Variants in CTNNA3 observed in about 807,000 individuals in gnomAD.
CTNNA3 encodes the protein catenin alpha 3.
Under a neutral mutation model 95.7 loss-of-function variants are expected in CTNNA3, and 76 were observed. That is an observed-to-expected ratio of 0.79 (90% CI 0.66 to 0.96). The LOEUF (loss-of-function observed/expected upper bound fraction) is 0.96, where lower values mean the gene tolerates loss of function less well. Among genes scored for constraint, CTNNA3 ranks in the 40% least tolerant of loss-of-function variants. CTNNA3 has a pLI of 0.00. For synonymous variants in CTNNA3, 431 were observed against 374.4 expected (o/e 1.15, Z -1.74); for missense variants, 1,191 against 1,089.8 (o/e 1.09, Z -1.31).
intron 9 of CTNNA3, among the ~76,000 whole-genome samples, chr10:66,689,579 TG>T (rs1417177878): frequency 2.6e-5 from 4 of 152,226 alleles, no homozygotes; most frequent in Non-Finnish European, 1.5e-5. Flanking sequence ...TAAAATATTA[TG>T]GTCAGTTTTC....
At chr10:66,414,628 C>G (rs1306559003) in intron 11 of CTNNA3, among the ~76,000 whole-genome samples, 1 of 152,150 alleles carries the variant, frequency 6.6e-6, no homozygotes, top group African/African-American at 2.4e-5. Flanking sequence ...TAAGCAACTA[C>G]AGCAAGATGC....
At position 66,583,299 on chromosome 10, in the gene CTNNA3, TTTGTTGTTGTTG is replaced by T. The variant is rs139169263; in HGVS notation, c.1374+38381_1374+38392del. ...TTTGTTTGTTTGCAGTGTTTTGGTTTTTGTTGTTGTTGTTGTTGTTGTTGTTGTTGTTTTTCT... is the reference window on the plus strand; with the variant it reads ...TTTGTTTGTTTGCAGTGTTTTGGTTTTTGTTGTTGTTGTTGTTGTTTTTCT... On this transcript the variant is annotated intron_variant, in intron 10 of 17. Transcript: ENST00000433211. Among the ~76,000 whole-genome samples the T allele has an allele frequency of 1.2e-3, 180 of 150,450 alleles. 1 individual carries two copies. Among genetic ancestry groups the T allele is most frequent in the African/African-American group, 4.0e-3 (163 of 41,048 alleles).
intron 5 of CTNNA3, among the ~76,000 whole-genome samples, chr10:67,353,265 T>A (rs2054800672): frequency 1.3e-5 from 2 of 151,968 alleles, no homozygotes; most frequent in African/African-American, 4.8e-5. Flanking sequence ...GGGGCACCAC[T>A]CTGAGACTCT....
chr10:67,324,641 GTA>G (rs1841466326), intron 5 of CTNNA3, among the ~76,000 whole-genome samples: 1 of 151,464 alleles, frequency 6.6e-6, no homozygotes, highest in Non-Finnish European at 1.5e-5. Flanking sequence ...CAGTTTACCA[GTA>G]TTTTGTTGAG....
In CTNNA3 at chr10:67,644,346, C is replaced by G. The variant is rs568512234; in HGVS notation, c.99+3069G>C. Among the ~76,000 whole-genome samples the G allele has an allele frequency of 4.6e-5, 7 of 152,192 alleles. No homozygotes were observed. In the South Asian group the frequency reaches 1.5e-3, roughly 32 times the overall value. On this transcript the variant is annotated intron_variant, in intron 2 of 17. Coordinates refer to ENST00000433211, the MANE Select transcript of CTNNA3 (RefSeq NM_013266.4). ...ATAAATGTCTTCTTTTGAGAAGTGT[C>G]TGTTCCTATCCTTCGTCCGCTTTTT...
At chr10:67,176,778 G>T in intron 7 of CTNNA3, 2 of 376,512 alleles carry the variant, frequency 5.3e-6, no homozygotes, top group African/African-American at 2.1e-5. Context: ...AGAGATGTGA[G>T]GTTGGAAGCA....
chr10:67,538,884 TTC>T (rs1449791781), intron 4 of CTNNA3, among the ~76,000 whole-genome samples: 1 of 152,182 alleles, frequency 6.6e-6, no homozygotes, highest in Non-Finnish European at 1.5e-5. Flanking sequence ...TTTAATAAAA[TTC>T]TCTCTCTACT....
intron 5 of CTNNA3, among the ~76,000 whole-genome samples, chr10:67,267,018 C>CT (rs1866856335): frequency 1.3e-5 from 2 of 152,042 alleles, no homozygotes; most frequent in South Asian, 4.1e-4. Flanking sequence ...TCTGGGCATG[C>CT]TTTTTTACTT....
At chr10:67,309,667 G>A (rs761790285) in intron 5 of CTNNA3, among the ~76,000 whole-genome samples, 2 of 152,142 alleles carry the variant, frequency 1.3e-5, no homozygotes, top group African/African-American at 4.8e-5. Context: ...AACAGGAACT[G>A]TGATGAAAAC....
At chr10:66,018,749 G>C (rs1564581691) in intron 15 of CTNNA3, among the ~76,000 whole-genome samples, 1 of 151,964 alleles carries the variant, frequency 6.6e-6, no homozygotes, top group Non-Finnish European at 1.5e-5. Context: ...AGAGGGTGGA[G>C]CAAGAAAAAC....
chr10:66,340,394 T>G (rs1194212275), intron 12 of CTNNA3, among the ~76,000 whole-genome samples: 2 of 151,828 alleles, frequency 1.3e-5, no homozygotes, highest in African/African-American at 4.8e-5. Context: ...TGGTTATACC[T>G]AAAAACCTAA....
chr10:67,000,131 G>A (rs761319553), intron 7 of CTNNA3, among the ~76,000 whole-genome samples: 2 of 152,136 alleles, frequency 1.3e-5, no homozygotes, highest in African/African-American at 2.4e-5. Context: ...TAAAAATATA[G>A]GGCCTTCCAG....
chr10:67,539,759 C>A (rs1840613029), intron 3 of CTNNA3, 90 bp from the exon 4 acceptor site: 1 of 1,118,414 alleles, frequency 8.9e-7, no homozygotes, highest in African/African-American at 1.6e-5. Flanking sequence ...CAAGTAAATT[C>A]CAAGACTAAG....
At chr10:65,930,013 G>C (rs1173405711) in intron 17 of CTNNA3, among the ~76,000 whole-genome samples, 1 of 151,938 alleles carries the variant, frequency 6.6e-6, no homozygotes, top group Non-Finnish European at 1.5e-5. Context: ...GACAATTAGA[G>C]GTGAAGGGGC....
In CTNNA3 at chr10:66,341,811, G is replaced by C. The variant is rs76274416; in HGVS notation, c.1732+37341C>G. Among the ~76,000 whole-genome samples the C allele has an allele frequency of 2.8e-4, 43 of 151,922 alleles. 1 individual carries two copies. In the East Asian group the frequency reaches 8.3e-3, roughly 29 times the overall value. ...GCTGAGTCTGTGTGCTGGTCAGGGG[G>C]TTGCTTTCTACTGTTGATATTATTC... On this transcript the variant is annotated intron_variant, in intron 12 of 17. Transcript: ENST00000433211.
intron 5 of CTNNA3, among the ~76,000 whole-genome samples, chr10:67,503,985 G>A (rs184674394): frequency 0.013 from 1,885 of 145,616 alleles, 21 homozygotes; most frequent in South Asian, 0.036. Flanking sequence ...GTGAAACCCC[G>A]TCTCTACTAA....
At chr10:66,877,109 T>G (rs1844654937) in intron 7 of CTNNA3, among the ~76,000 whole-genome samples, 1 of 152,084 alleles carries the variant, frequency 6.6e-6, no homozygotes, top group South Asian at 2.1e-4. Flanking sequence ...TTCCCTCCTC[T>G]CACTCCTACT....
intron 12 of CTNNA3, among the ~76,000 whole-genome samples, chr10:66,288,986 CTT>C (rs1236743847): frequency 2.0e-5 from 3 of 151,868 alleles, no homozygotes; most frequent in Non-Finnish European, 4.4e-5. Flanking sequence ...CATAGTTTTC[CTT>C]GTAGTTTGAG....
intron 9 of CTNNA3, among the ~76,000 whole-genome samples, chr10:66,765,145 G>A (rs1210548811): frequency 2.6e-5 from 4 of 152,128 alleles, no homozygotes; most frequent in Admixed American, 2.0e-4. Flanking sequence ...TCTAGTTCTG[G>A]AGATTGAGAT....
Sources: allele counts gnomAD v4.1 joint callset (sites outside exome capture counted in the v4.1 genomes callset), GRCh38; gene constraint gnomAD v4.1.1; transcripts MANE v1.5; gene names NCBI Gene and HGNC (gene_info 2026-07-23, HGNC 2026-07-21).